APIP: variants seen among roughly 807,000 people sequenced by gnomAD.
APIP encodes methylthioribulose-1-phosphate dehydratase.
Under a neutral mutation model 32.0 loss-of-function variants are expected in APIP, and 32 were observed. The ratio of observed to expected loss-of-function variants is 1.00; its 90% CI spans 0.76 to 1.34. The LOEUF is 1.34. Ranked by LOEUF, APIP falls within the 40% of genes most tolerant of loss-of-function variation. The pLI, the probability that APIP is intolerant of heterozygous loss-of-function variation, is 0.00. For missense variants in APIP, 247 were observed against 298.6 expected (o/e 0.83, Z 1.27); for synonymous variants, 92 against 94.8 (o/e 0.97, Z 0.17).
At chr11:34,893,588 A>G (rs946175254) in intron 2 of APIP, among the ~76,000 whole-genome samples, 1 of 152,236 alleles carries the variant, frequency 6.6e-6, no homozygotes, top group African/African-American at 2.4e-5. Context: ...CACATTAGCA[A>G]CTAGGCTGAT....
At chr11:34,907,860 T>C (rs1200062150) in intron 1 of APIP, among the ~76,000 whole-genome samples, 2 of 152,206 alleles carry the variant, frequency 1.3e-5, no homozygotes, top group East Asian at 1.9e-4. Flanking sequence ...GATTTGGTAT[T>C]AATTTTTCCA....
intron 2 of APIP, among the ~76,000 whole-genome samples, chr11:34,893,322 T>C (rs1853209793): frequency 6.6e-6 from 1 of 152,192 alleles, no homozygotes; most frequent in Admixed American, 6.5e-5. Context: ...TTATTTTAGC[T>C]CATTTGGTAG....
chr11:34,901,950 C>T (rs904786028), intron 1 of APIP, among the ~76,000 whole-genome samples: 3 of 152,178 alleles, frequency 2.0e-5, no homozygotes, highest in Non-Finnish European at 2.9e-5. Context: ...GCAGGGCCTC[C>T]TCAAACCCTT....
intron 2 of APIP, among the ~76,000 whole-genome samples, chr11:34,891,453 A>C (rs1853185239): frequency 6.6e-6 from 1 of 152,150 alleles, no homozygotes; most frequent in Non-Finnish European, 1.5e-5. Flanking sequence ...AAACCAAGAA[A>C]ATGCCAGTAC....
chr11:34,901,963 A>G (rs1483638909), intron 1 of APIP, among the ~76,000 whole-genome samples: 2 of 152,216 alleles, frequency 1.3e-5, no homozygotes, highest in African/African-American at 2.4e-5. Context: ...AAACCCTTTA[A>G]TAGCCCCTGC....
At chr11:34,896,412 G>A (rs1006812372) in intron 1 of APIP, among the ~76,000 whole-genome samples, 3 of 152,166 alleles carry the variant, frequency 2.0e-5, no homozygotes, top group Non-Finnish European at 4.4e-5. Context: ...ATGAGCTCAC[G>A]TCCTTTGCAG....
At chr11:34,895,273 T>C (rs1036658510) in intron 1 of APIP, among the ~76,000 whole-genome samples, 163 bp from the exon 2 acceptor site, 2 of 152,222 alleles carry the variant, frequency 1.3e-5, no homozygotes, top group African/African-American at 4.8e-5. Context: ...TTGTTTTTAA[T>C]GTTTAGAAAG....
intron 5 of APIP, among the ~76,000 whole-genome samples, chr11:34,884,155 G>T (rs1190923429): frequency 6.6e-6 from 1 of 152,040 alleles, no homozygotes; most frequent in African/African-American, 2.4e-5. Context: ...AATTGTCACT[G>T]GCAAAATTAA....
Position 34,888,847 on chromosome 11 carries a change from T to C in APIP, c.230A>G (p.Asp77Gly), listed in dbSNP as rs1442876656. The C allele has an allele frequency of 6.7e-7, 1 of 1,498,606 alleles. No homozygotes were observed. Among genetic ancestry groups the C allele is most frequent in the Non-Finnish European group, 8.8e-7 (1 of 1,134,156 alleles). 92.8% of individuals were successfully genotyped at this position (1,498,606 alleles called of 1,614,324 possible). A position where few individuals can be genotyped will look rare whatever the true frequency, so the allele number is the denominator to read the frequency against. Residue 77 changes from aspartate to glycine, a missense_variant, in exon 4 of 7, where the codon GAT becomes GGT. By Grantham distance (94) the Asp-to-Gly change is moderately conservative. Coordinates refer to ENST00000395787, the MANE Select transcript of APIP (RefSeq NM_015957.4). ...TCCACTTATGTCCTTTTCATTTATA[T>C]CACAAACAAACATGTCTTCAGGCTA... ...RIQPEDMFVCDINEKDISGPS... is the reference protein window; with the variant it reads ...RIQPEDMFVCGINEKDISGPS...
At chr11:34,899,852 C>A (rs3887071) in intron 1 of APIP, among the ~76,000 whole-genome samples, 1 of 152,080 alleles carries the variant, frequency 6.6e-6, no homozygotes. Flanking sequence ...TCTTCTCCAC[C>A]CTGGGTCATA....
intron 1 of APIP, among the ~76,000 whole-genome samples, chr11:34,899,643 G>A (rs189529457): frequency 4.6e-5 from 7 of 152,260 alleles, no homozygotes; most frequent in East Asian, 1.9e-4. Flanking sequence ...TACACAGGTC[G>A]CAGAAGTCTA....
chr11:34,888,451 G>T (rs767095224), intron 4 of APIP, 23 bp from the exon 5 acceptor site: 4 of 1,599,814 alleles, frequency 2.5e-6, no homozygotes, highest in Non-Finnish European at 3.4e-6. Context: ...GAAGAAAGCC[G>T]CATGCTCAAT....
rs371800567 is a variant in APIP, at chr11:34,888,738, T to G, written c.325+14A>C. The G allele has an allele frequency of 2.0e-6, 3 of 1,487,342 alleles. No homozygotes were observed. The highest frequency in any genetic ancestry group is 2.7e-6 in the Non-Finnish European group (3 of 1,109,182). 92.1% of individuals were successfully genotyped at this position (1,487,342 alleles called of 1,614,324 possible). A position where few individuals can be genotyped will look rare whatever the true frequency, so the allele number is the denominator to read the frequency against. ...CTGCAAATATTCTTTATGTTGAATA[T>G]ATTTTCTGCATACCTCTCATTGTGT... On this transcript the variant is annotated intron_variant, in intron 4 of 6. Transcript: ENST00000395787.
chr11:34,890,628 A>G lies in APIP; in HGVS notation c.159-76T>C, dbSNP rs1024928504. 19 of 1,460,790 alleles carry G rather than the reference A, an allele frequency of 1.3e-5. No individual in the cohort carries two copies. In the African/African-American group the frequency reaches 2.4e-4, roughly 18 times the overall value. 90.5% of individuals were successfully genotyped at this position (1,460,790 alleles called of 1,614,324 possible). A position where few individuals can be genotyped will look rare whatever the true frequency, so the allele number is the denominator to read the frequency against. ...ACAAAGAAAAGTTTGCAGTCCAATC[A>G]TGCATGTTCTTTATAAATCAAGCAA... On this transcript the variant is annotated intron_variant, in intron 2 of 6. Coordinates refer to ENST00000395787, the MANE Select transcript of APIP (RefSeq NM_015957.4).
intron 5 of APIP, 85 bp from the exon 6 acceptor site, chr11:34,883,589 A>T: frequency 2.1e-6 from 3 of 1,401,712 alleles, no homozygotes; most frequent in Non-Finnish European, 2.9e-6. Flanking sequence ...TCAAGTAACC[A>T]GTTAGACATG....
intron 4 of APIP, 65 bp from the exon 5 acceptor site, chr11:34,888,493 A>G: frequency 6.4e-7 from 1 of 1,568,824 alleles, no homozygotes; most frequent in Non-Finnish European, 8.6e-7. Context: ...AAAGAAAAAA[A>G]GTCCATATAG....
intron 1 of APIP, among the ~76,000 whole-genome samples, chr11:34,915,062 CA>C (rs11368196): frequency 0.2 from 27,390 of 137,994 alleles, 3,717 homozygotes; most frequent in African/African-American, 0.41. Context: ...TTGAGTGCAG[CA>C]AAAAAAAAAC....
chr11:34,898,524 C>T (rs1853315981), intron 1 of APIP, among the ~76,000 whole-genome samples: 1 of 152,096 alleles, frequency 6.6e-6, no homozygotes, highest in South Asian at 2.1e-4. Context: ...GCAGAGAATC[C>T]CCAGCTATCC....
intron 1 of APIP, among the ~76,000 whole-genome samples, chr11:34,905,491 T>C (rs1224625816): frequency 6.6e-6 from 1 of 152,198 alleles, no homozygotes; most frequent in East Asian, 1.9e-4. Flanking sequence ...CGGAGAACAC[T>C]CTGCCTGAAG....
Sources: allele counts gnomAD v4.1 joint callset (sites outside exome capture counted in the v4.1 genomes callset), GRCh38; gene constraint gnomAD v4.1.1; transcripts MANE v1.5; gene names NCBI Gene and HGNC (gene_info 2026-07-23, HGNC 2026-07-21).